Variants in STK3 observed in about 807,000 individuals in gnomAD.
The protein encoded by STK3 is serine/threonine kinase 3, also known as serine/threonine-protein kinase 3.
In STK3, 41 loss-of-function variants were observed where a neutral mutation model predicts 58.0. That is an observed-to-expected ratio of 0.71 (90% confidence interval 0.55 to 0.92). STK3 has a LOEUF of 0.92. Among genes scored for constraint, STK3 ranks in the 40% least tolerant of loss-of-function variants. The pLI is 0.00. For synonymous variants in STK3, 170 were observed against 191.0 expected, an observed-to-expected ratio of 0.89 and a Z score of 0.91; for missense variants, 479 against 602.7, an observed-to-expected ratio of 0.79 and a Z score of 2.15.
chr8:98,797,877 A>T (rs888558118), intron 1 of STK3, among the ~76,000 whole-genome samples: 2 of 152,216 alleles, frequency 1.3e-5, no homozygotes, highest in African/African-American at 4.8e-5. Context: ...GATATTAGCA[A>T]AAGAATGGTT....
intron 10 of STK3, among the ~76,000 whole-genome samples, chr8:98,492,389 T>C (rs1024648373): frequency 1.3e-5 from 2 of 152,194 alleles, no homozygotes; most frequent in Admixed American, 6.5e-5. Flanking sequence ...AGGAGTGTGT[T>C]AGAAGTATAT....
intron 1 of STK3, among the ~76,000 whole-genome samples, chr8:98,916,526 C>T (rs2131995423): frequency 6.6e-6 from 1 of 152,296 alleles, no homozygotes; most frequent in African/African-American, 2.4e-5. Flanking sequence ...GGAACAAGCA[C>T]TGTGTCTACA....
intron 6 of STK3, among the ~76,000 whole-genome samples, chr8:98,669,345 A>AT (rs1422165987): frequency 5.1e-4 from 77 of 152,156 alleles, no homozygotes; most frequent in African/African-American, 2.4e-5. Context: ...AAAGACTTGG[A>AT]TTTTTTATTG....
chr8:98,366,113 A>T, the STK3 span, among the ~76,000 whole-genome samples: 1 of 152,198 alleles, frequency 6.6e-6, no homozygotes, highest in Non-Finnish European at 1.5e-5. Context: ...CTACCTGCTG[A>T]ATTCCTGTTT....
chr8:98,652,512 C>A (rs879228316), intron 6 of STK3, among the ~76,000 whole-genome samples: 1 of 149,718 alleles, frequency 6.7e-6, no homozygotes, highest in South Asian at 2.2e-4. Context: ...GGACTAAATG[C>A]TCCAATTAAA....
intron 3 of STK3, among the ~76,000 whole-genome samples, chr8:98,868,323 C>T (rs948964592): frequency 6.6e-6 from 1 of 152,170 alleles, no homozygotes; most frequent in African/African-American, 2.4e-5. Flanking sequence ...ATCCCACAGC[C>T]GAAGGAGAAA....
rs1348090238 is a variant in STK3 at position 98,455,266 on chromosome 8, T to A, written c.*576A>T. 1 of 152,466 alleles carries A rather than the reference T, an allele frequency of 6.6e-6. No homozygotes were observed. The highest frequency in any genetic ancestry group is 1.9e-4 in the East Asian group (1 of 5,200). The allele number at this position is 152,466 out of a possible 1,614,324, so 9.4% of individuals were successfully genotyped here. ...GCCCATTTGAGAACTACTGCCATTA[T>A]TGCTTTCCTATTTGAAAAACTATCC... On this transcript the variant is annotated 3_prime_UTR_variant, in exon 11 of 11. Transcript: ENST00000419617.
chr8:98,747,427 C>T (rs1415112408), intron 4 of STK3, among the ~76,000 whole-genome samples: 1 of 152,098 alleles, frequency 6.6e-6, no homozygotes, highest in Non-Finnish European at 1.5e-5. Context: ...GAGTTTTACA[C>T]CTGTTTAATC....
chr8:98,537,939 TATTC>T (rs1297325112), intron 9 of STK3, among the ~76,000 whole-genome samples: 1 of 152,136 alleles, frequency 6.6e-6, no homozygotes, highest in Non-Finnish European at 1.5e-5. Context: ...CACCCACAAT[TATTC>T]ATTAAGTTTC....
At chr8:98,371,721 T>C (rs944909859) in intron 2 of STK3, 2 of 152,220 alleles carry the variant, frequency 1.3e-5, no homozygotes, top group African/African-American at 4.8e-5. Flanking sequence ...CTCAAGATTA[T>C]GCTTTTTAAC....
At chr8:98,381,116 G>T (rs1423179077) in intron 1 of STK3, among the ~76,000 whole-genome samples, 1 of 151,694 alleles carries the variant, frequency 6.6e-6, no homozygotes, top group Non-Finnish European at 1.5e-5. Flanking sequence ...GACTACAGAT[G>T]CCCACCACCA....
At chr8:98,427,805 A>T (rs1054878113) in intron 3 of STK3, 170 of 591,976 alleles carry the variant, frequency 2.9e-4, no homozygotes, top group Non-Finnish European at 4.9e-4. Context: ...AGACCCCTCA[A>T]ACTCTTGCCC....
At chr8:98,868,806 T>TAAAAATA (rs1554692505) in intron 3 of STK3, among the ~76,000 whole-genome samples, 1 of 149,398 alleles carries the variant, frequency 6.7e-6, no homozygotes, top group African/African-American at 2.5e-5. Context: ...TTGTCTCTAC[T>TAAAAATA]AAAAATAAAA....
At chr8:98,592,319 G>T (rs1414957893) in intron 7 of STK3, among the ~76,000 whole-genome samples, 1 of 152,018 alleles carries the variant, frequency 6.6e-6, no homozygotes, top group East Asian at 1.9e-4. Context: ...CCATTTTTGT[G>T]TCTTTGTTCA....
intron 2 of STK3, chr8:98,436,872 C>G (rs1486340998): frequency 1.3e-5 from 2 of 152,130 alleles, no homozygotes; most frequent in African/African-American, 4.8e-5. Context: ...CCTCTGTCTC[C>G]TCACCTGCAC....
chr8:98,697,038 T>G (rs955925717), intron 6 of STK3, among the ~76,000 whole-genome samples: 18 of 152,224 alleles, frequency 1.2e-4, no homozygotes, highest in Non-Finnish European at 1.2e-4. Context: ...TTTCAGAGCC[T>G]GCTATTGGTC....
chr8:98,653,971 T>A (rs1339358374), intron 6 of STK3, among the ~76,000 whole-genome samples: 1 of 152,198 alleles, frequency 6.6e-6, no homozygotes, highest in Non-Finnish European at 1.5e-5. Flanking sequence ...GAATCCTCCC[T>A]AACTCATTTT....
chr8:98,828,191 G>T (rs543106737), upstream of STK3, among the ~76,000 whole-genome samples: 22 of 151,794 alleles, frequency 1.4e-4, no homozygotes, highest in East Asian at 3.7e-3. Context: ...GGCCAAGCTG[G>T]TCTTGAACTC....
downstream of STK3, among the ~76,000 whole-genome samples, chr8:98,368,608 T>G (rs1023519258): frequency 6.6e-6 from 1 of 152,148 alleles, no homozygotes; most frequent in Admixed American, 6.5e-5. Context: ...ATCTAGGGAA[T>G]GGCAGCTGCA....
Sources: gnomAD v4.1 joint callset for allele counts (sites outside exome capture counted in the v4.1 genomes callset) on GRCh38, gnomAD v4.1.1 for gene constraint, MANE v1.5 for transcripts, NCBI Gene and HGNC (gene_info 2026-07-23, HGNC 2026-07-21) for gene names.